FREM1: variants seen among roughly 807,000 people sequenced by gnomAD.
FREM1 encodes the protein FRAS1 related extracellular matrix 1.
FREM1 carries 220 observed loss-of-function variants against 210.1 expected under a neutral mutation model. The observed-to-expected ratio is 1.05, with a 90% CI of 0.94 to 1.17. The LOEUF is 1.17. Among genes scored for constraint, FREM1 ranks in the 50% most tolerant of loss-of-function variants. FREM1 has a pLI of 0.00. For missense variants in FREM1, 3,454 were observed against 2,675.5 expected (o/e 1.29, Z -6.42); for synonymous variants, 1,189 against 980.2 (o/e 1.21, Z -3.98).
chr9:14,791,195 T>C (rs1243353652), intron 22 of FREM1: 1 of 152,154 alleles, frequency 6.6e-6, no homozygotes, highest in African/African-American at 2.4e-5. Context: ...ATAATTCACG[T>C]TGGGCTGATC....
chr9:14,908,743 G>A (rs1818230638), intron 1 of FREM1, among the ~76,000 whole-genome samples: 1 of 152,162 alleles, frequency 6.6e-6, no homozygotes, highest in Non-Finnish European at 1.5e-5. Flanking sequence ...GTAGAGCAAT[G>A]TTTACCCAAG....
At chr9:14,899,674 G>C (rs1838424108) in intron 1 of FREM1, among the ~76,000 whole-genome samples, 1 of 152,142 alleles carries the variant, frequency 6.6e-6, no homozygotes. Flanking sequence ...TACCTTCTTA[G>C]AGTCTCCAAG....
chr9:14,846,726 C>G (rs895105043), intron 7 of FREM1, among the ~76,000 whole-genome samples: 2 of 152,140 alleles, frequency 1.3e-5, no homozygotes, highest in Non-Finnish European at 2.9e-5. Context: ...CAACAGATTA[C>G]AGATAATCCT....
At chr9:14,791,524 A>C (rs1851311843) in intron 22 of FREM1, among the ~76,000 whole-genome samples, 1 of 152,166 alleles carries the variant, frequency 6.6e-6, no homozygotes, top group Non-Finnish European at 1.5e-5. Context: ...TTTCTCCCAC[A>C]CTGCCTTTTT....
rs752339165 is a variant in FREM1, at chr9:14,813,090, T to G, written c.2641-26A>C. 49 of 1,580,842 alleles carry G rather than the reference T, an allele frequency of 3.1e-5. 1 individual carries two copies. The Middle Eastern group carries it at 5.1e-4, about 16-fold the overall frequency. ...CTAGGCAATGGAAAAAATGCATGTT[T>G]TCAGAAAAAGAAAGAAATGACAAAT... On this transcript the variant is annotated intron_variant, in intron 15 of 36. Transcript: ENST00000380880.
intron 16 of FREM1, among the ~76,000 whole-genome samples, chr9:14,810,417 T>A: frequency 6.6e-6 from 1 of 152,126 alleles, no homozygotes. Flanking sequence ...CCTAAGGACA[T>A]GATTGGTACT....
intron 3 of FREM1, among the ~76,000 whole-genome samples, chr9:14,861,192 TACATATATACACAC>T (rs1830350233): frequency 8.1e-6 from 1 of 122,830 alleles, no homozygotes; most frequent in African/African-American, 3.8e-5. Flanking sequence ...TACACATATA[TACATATATACACAC>T]ATATACATAT....
At chr9:14,902,434 C>T (rs981240056) in intron 1 of FREM1, among the ~76,000 whole-genome samples, 29 of 152,190 alleles carry the variant, frequency 1.9e-4, no homozygotes, top group African/African-American at 6.8e-4. Context: ...ATCCCATAGC[C>T]TGTGATTTCC....
At chr9:14,901,914 T>A (rs1270397949) in intron 1 of FREM1, among the ~76,000 whole-genome samples, 1 of 152,058 alleles carries the variant, frequency 6.6e-6, no homozygotes, top group African/African-American at 2.4e-5. Flanking sequence ...TGTAGTGGCT[T>A]GATCACGGAT....
At chr9:14,886,975 A>G (rs557488829) in intron 1 of FREM1, among the ~76,000 whole-genome samples, 5 of 151,984 alleles carry the variant, frequency 3.3e-5, no homozygotes, top group Non-Finnish European at 7.4e-5. Flanking sequence ...AAATTTTCAT[A>G]CAAATGAATT....
chr9:14,906,367 T>A (rs1463394641), intron 1 of FREM1, among the ~76,000 whole-genome samples: 1 of 152,220 alleles, frequency 6.6e-6, no homozygotes, highest in African/African-American at 2.4e-5. Flanking sequence ...TTTAAAACAA[T>A]CACTAATGCT....
intron 29 of FREM1, chr9:14,751,862 G>C (rs1321141426): frequency 6.6e-6 from 1 of 151,866 alleles, no homozygotes; most frequent in Non-Finnish European, 1.5e-5. Context: ...GCTGCACTTA[G>C]AGGGGAAAAA....
intron 22 of FREM1, among the ~76,000 whole-genome samples, chr9:14,791,386 A>T (rs1851288105): frequency 6.6e-6 from 1 of 152,212 alleles, no homozygotes; most frequent in Non-Finnish European, 1.5e-5. Context: ...CCATTAAAGC[A>T]TCTAATTTTG....
At chr9:14,866,779 G>T (rs148262371) in intron 2 of FREM1, among the ~76,000 whole-genome samples, 7 of 152,134 alleles carry the variant, frequency 4.6e-5, no homozygotes, top group African/African-American at 1.7e-4. Context: ...ACAGCCCTGG[G>T]TTCCTGCTTT....
chr9:14,859,437 T>C lies in FREM1; in HGVS notation c.377A>G (p.Tyr126Cys), dbSNP rs747755141. ...GATGTTACAGTCTGGTTCCAGGAGA[T>C]AGACCCACAGGATAAAAGTTTCTAT... ...TFIETFILWV[Y>C]LLEPDCNIIH... is the part of the protein sequence containing the mutation. Residue 126 changes from tyrosine to cysteine, a missense_variant, in exon 4 of 37, where the codon TAT becomes TGT. Transcript: ENST00000380880. 6.2e-6 allele frequency: 10 copies of C among 1,613,806 alleles called. No homozygotes were observed. The highest frequency in any genetic ancestry group is 3.3e-5 in the Admixed American group (2 of 59,996).
chr9:14,740,085 TG>T, intron 36 of FREM1, 63 bp downstream of exon 36: 1 of 970,346 alleles, frequency 1.0e-6, no homozygotes, highest in Non-Finnish European at 1.6e-6. Context: ...AGCAGGGTGG[TG>T]GTGCCTGTTT....
chr9:14,785,321 G>A (rs1306855004), intron 23 of FREM1, among the ~76,000 whole-genome samples: 3 of 152,200 alleles, frequency 2.0e-5, no homozygotes, highest in Admixed American at 6.5e-5. Flanking sequence ...TTAGTTATAT[G>A]AGCAAGCTGA....
intron 5 of FREM1, among the ~76,000 whole-genome samples, chr9:14,855,747 G>C (rs571892075): frequency 3.3e-5 from 5 of 151,194 alleles, no homozygotes; most frequent in Non-Finnish European, 7.4e-5. Flanking sequence ...ATAGGTTAAT[G>C]ATAAACAAAG....
At position 14,846,122 on chromosome 9, in the gene FREM1, A is replaced by G. The variant is rs771413995; in HGVS notation, c.1262-31T>C. 2.9e-5 allele frequency: 44 copies of G among 1,537,160 alleles called. No individual in the cohort carries two copies. In the East Asian group the frequency reaches 7.8e-4, roughly 27 times the overall value. ...AAAGAAAGGAGAAAAGGGTGTTGGT[A>G]TCATAGACTGGATAAAGAAAATGAG... On this transcript the variant is annotated intron_variant, in intron 7 of 36. Coordinates refer to ENST00000380880, the MANE Select transcript of FREM1 (RefSeq NM_001379081.2).
Sources: gnomAD v4.1 joint callset for allele counts (sites outside exome capture counted in the v4.1 genomes callset) on GRCh38, gnomAD v4.1.1 for gene constraint, MANE v1.5 for transcripts, NCBI Gene and HGNC (gene_info 2026-07-23, HGNC 2026-07-21) for gene names.